The following ABLIM2 variants were observed in gnomAD, a reference collection of about 807,000 sequenced individuals.
The protein encoded by ABLIM2 is actin-binding LIM protein 2.
In ABLIM2, 53 loss-of-function variants were observed where a neutral mutation model predicts 97.7. That is an observed-to-expected ratio of 0.54 (90% confidence interval 0.44 to 0.68). ABLIM2 has a LOEUF of 0.68. Ranked by LOEUF, ABLIM2 falls within the 30% of genes least tolerant of loss-of-function variation. The probability of loss-of-function intolerance (pLI) is 0.00; values close to 1 mark genes in which losing one functional copy is unlikely to be tolerated. For missense variants in ABLIM2, 835 were observed against 867.2 expected (o/e 0.96, Z 0.47); for synonymous variants, 361 against 345.8 (o/e 1.04, Z -0.49).
intron 1 of ABLIM2, among the ~76,000 whole-genome samples, chr4:8,153,308 C>T (rs1713740814): frequency 1.3e-5 from 2 of 152,162 alleles, no homozygotes; most frequent in Non-Finnish European, 2.9e-5. Flanking sequence ...AAACTCAAGA[C>T]TTGATTCTAC....
intron 1 of ABLIM2, among the ~76,000 whole-genome samples, chr4:8,138,169 G>C (rs1850442832): frequency 6.6e-6 from 1 of 152,088 alleles, no homozygotes; most frequent in Non-Finnish European, 1.5e-5. Context: ...TGGGAGAATG[G>C]GGAGTGAGTG....
intron 20 of ABLIM2, among the ~76,000 whole-genome samples, chr4:7,969,095 G>A (rs1725439005): frequency 6.6e-6 from 1 of 152,030 alleles, no homozygotes; most frequent in South Asian, 2.1e-4. Context: ...TCACACCATT[G>A]CATTCCAGCC....
rs886090401 is a variant in ABLIM2, at chr4:8,147,345, G to C, written c.10+11335C>G. Among the ~76,000 whole-genome samples the C allele has an allele frequency of 3.9e-5, 6 of 152,124 alleles. No individual in the cohort carries two copies. Among genetic ancestry groups the C allele is most frequent in the African/African-American group, 1.4e-4 (6 of 41,408 alleles). Reference sequence around the variant, plus strand: ...GAAAAGGTATTGACCCGGTAAACAGGATGCACCAAGAGACTACCTGTGCCC... The same window carrying C: ...GAAAAGGTATTGACCCGGTAAACAGCATGCACCAAGAGACTACCTGTGCCC... On this transcript the variant is annotated intron_variant, in intron 1 of 20. Coordinates refer to ENST00000447017, the MANE Select transcript of ABLIM2 (RefSeq NM_001130083.2). This position sits in a 1 kb window ranked among gnomAD's most constrained non-coding sequence, Gnocchi z 5.3.
intron 8 of ABLIM2, among the ~76,000 whole-genome samples, chr4:8,050,670 G>GCACCTGAC: frequency 6.6e-6 from 1 of 152,330 alleles, no homozygotes; most frequent in Non-Finnish European, 1.5e-5. Flanking sequence ...TAACTGGCTT[G>GCACCTGAC]CACCTGACGG....
intron 1 of ABLIM2, among the ~76,000 whole-genome samples, chr4:8,145,222 C>T (rs572963630): frequency 9.2e-5 from 14 of 151,384 alleles, no homozygotes; most frequent in African/African-American, 3.4e-4. Flanking sequence ...CTCGCTCTGT[C>T]GCCCAGGCTG....
chr4:8,018,638 C>T (rs1435549192), intron 14 of ABLIM2, among the ~76,000 whole-genome samples: 3 of 152,198 alleles, frequency 2.0e-5, no homozygotes, highest in Non-Finnish European at 4.4e-5. Context: ...GTTTGTATAA[C>T]CTGATCACTG....
intron 1 of ABLIM2, among the ~76,000 whole-genome samples, chr4:8,157,454 C>T (rs1715722937): frequency 6.6e-6 from 1 of 152,356 alleles, no homozygotes; most frequent in Admixed American, 6.5e-5. Flanking sequence ...GGTTCTGCCT[C>T]TGACCTCCCC....
chr4:8,114,355 G>A (rs936745304), intron 1 of ABLIM2, among the ~76,000 whole-genome samples: 3 of 152,194 alleles, frequency 2.0e-5, no homozygotes, highest in Non-Finnish European at 2.9e-5. Context: ...GAATTAAAGC[G>A]TACAGGCACG....
At chr4:8,153,672 G>A (rs544334607) in intron 1 of ABLIM2, among the ~76,000 whole-genome samples, 5 of 152,340 alleles carry the variant, frequency 3.3e-5, no homozygotes, top group South Asian at 2.1e-4. Context: ...CGGAATCGCC[G>A]GGCTTCTCCC....
intron 14 of ABLIM2, among the ~76,000 whole-genome samples, chr4:8,017,126 C>T (rs745813517): frequency 1.3e-5 from 2 of 152,140 alleles, no homozygotes; most frequent in African/African-American, 2.4e-5. Flanking sequence ...ACTTCCTCAA[C>T]GTTCAGCCCT....
At chr4:8,097,801 C>T (rs1832503082) in intron 2 of ABLIM2, among the ~76,000 whole-genome samples, 1 of 152,194 alleles carries the variant, frequency 6.6e-6, no homozygotes, top group African/African-American at 2.4e-5. Flanking sequence ...CCACCCCCTC[C>T]CCCACTCCTC....
At chr4:7,990,845 G>C (rs1401713343) in intron 17 of ABLIM2, among the ~76,000 whole-genome samples, 1 of 152,180 alleles carries the variant, frequency 6.6e-6, no homozygotes, top group East Asian at 1.9e-4. Flanking sequence ...AAAAGTCGTA[G>C]AAAGAGTGAA....
In ABLIM2 at chr4:8,075,025, C is replaced by T. The variant is rs916999762; in HGVS notation, c.675+2603G>A. Among the ~76,000 whole-genome samples the T allele has an allele frequency of 1.3e-5, 2 of 152,126 alleles. No individual in the cohort carries two copies. The highest frequency in any genetic ancestry group is 2.9e-5 in the Non-Finnish European group (2 of 68,022). The stretch of plus-strand genomic sequence containing the variant: ...GGTCTTGAACTCCTGACCTCGTGAT[C>T]CGCCTGCCTCAGCCTCCCAAAGTGC... On this transcript the variant is annotated intron_variant, in intron 6 of 20. Transcript: ENST00000447017. The surrounding 1 kb of genome is among the most constrained non-coding windows in gnomAD (Gnocchi z 4.4).
At position 8,128,625 on chromosome 4, in the gene ABLIM2, A is replaced by C. The variant is rs562375019; in HGVS notation, c.11-21988T>G. ...TCCTTGCCCTGGCTCTAAGGCAGGA[A>C]AGCGATGAAGTCATTGTCTAGCCCA... On this transcript the variant is annotated intron_variant, in intron 1 of 20. Coordinates refer to ENST00000447017, the MANE Select transcript of ABLIM2 (RefSeq NM_001130083.2). This position sits in a 1 kb window ranked among gnomAD's most constrained non-coding sequence, Gnocchi z 4.9. 6.6e-6 allele frequency among the ~76,000 whole-genome samples: 1 copy of C among 152,326 alleles called. No homozygotes were observed. Among genetic ancestry groups the C allele is most frequent in the African/African-American group, 2.4e-5 (1 of 41,564 alleles).
intron 9 of ABLIM2, among the ~76,000 whole-genome samples, chr4:8,037,940 G>C (rs138091820): frequency 2.0e-5 from 3 of 152,182 alleles, no homozygotes; most frequent in African/African-American, 4.8e-5. Flanking sequence ...CTTCCTCCGC[G>C]GTACCCCACT....
intron 20 of ABLIM2, among the ~76,000 whole-genome samples, chr4:7,980,008 G>A (rs1459900316): frequency 6.6e-6 from 1 of 152,230 alleles, no homozygotes; most frequent in African/African-American, 2.4e-5. Flanking sequence ...AAGATAGAAG[G>A]AAGGAAACTG....
Position 7,982,458 on chromosome 4 carries a change from G to C in ABLIM2, c.1824+806C>G, listed in dbSNP as rs551195301. Among the ~76,000 whole-genome samples, 20 of 152,348 alleles carry C rather than the reference G, an allele frequency of 1.3e-4. No homozygotes were observed. The South Asian group carries it at 2.5e-3, about 19-fold the overall frequency. On this transcript the variant is annotated intron_variant, in intron 20 of 20. Coordinates refer to ENST00000447017, the MANE Select transcript of ABLIM2 (RefSeq NM_001130083.2). ...TGGGACACCGTAGGGCGGTTGTGAGGAGTAACAGAGGATTGCACGTGCCAC... is the reference window on the plus strand; with the variant it reads ...TGGGACACCGTAGGGCGGTTGTGAGCAGTAACAGAGGATTGCACGTGCCAC...
chr4:8,114,691 G>T (rs1264135081), intron 1 of ABLIM2, among the ~76,000 whole-genome samples: 2 of 152,194 alleles, frequency 1.3e-5, no homozygotes, highest in Non-Finnish European at 2.9e-5. Context: ...AGCTCTGCAG[G>T]TCCAGACAGG....
In ABLIM2 at chr4:8,130,958, C is replaced by T. The variant is rs536934166; in HGVS notation, c.11-24321G>A. ...CCCCAAAGGCTCTAGGGGAGGCTGC[C>T]GTTACCTCGCCCTGCTCTTGGGGCA... On this transcript the variant is annotated intron_variant, in intron 1 of 20. Coordinates refer to ENST00000447017, the MANE Select transcript of ABLIM2 (RefSeq NM_001130083.2). The surrounding 1 kb of genome is among the most constrained non-coding windows in gnomAD (Gnocchi z 4.2). Among the ~76,000 whole-genome samples the T allele has an allele frequency of 6.6e-6, 1 of 152,234 alleles. No individual in the cohort carries two copies. The highest frequency in any genetic ancestry group is 2.1e-4 in the South Asian group (1 of 4,826).
Sources: gnomAD v4.1 joint callset for allele counts (sites outside exome capture counted in the v4.1 genomes callset) on GRCh38, gnomAD v4.1.1 for gene constraint, Gnocchi (gnomAD v3.1) non-coding constraint, MANE v1.5 for transcripts, NCBI Gene and HGNC (gene_info 2026-07-23, HGNC 2026-07-21) for gene names.